NRP2: variants seen among roughly 807,000 people sequenced by gnomAD.
NRP2 encodes the protein neuropilin-2.
Under a neutral mutation model 110.4 loss-of-function variants are expected in NRP2, and 52 were observed. The ratio of observed to expected loss-of-function variants is 0.47; its 90% CI spans 0.38 to 0.59. NRP2 has a LOEUF of 0.59. Ranked by LOEUF, NRP2 falls within the 20% of genes least tolerant of loss-of-function variation. The probability of loss-of-function intolerance (pLI) is 0.00; values close to 1 mark genes in which losing one functional copy is unlikely to be tolerated. For synonymous variants in NRP2, 508 were observed against 468.9 expected (o/e 1.08, Z -1.08); for missense variants, 1,049 against 1,203.0 (o/e 0.87, Z 1.89).
At chr2:205,718,617 C>T (rs1019012066) in intron 3 of NRP2, among the ~76,000 whole-genome samples, 1 of 152,202 alleles carries the variant, frequency 6.6e-6, no homozygotes, top group Non-Finnish European at 1.5e-5. Flanking sequence ...TACCCACCTG[C>T]TGCTGGAAGA....
intron 15 of NRP2, among the ~76,000 whole-genome samples, chr2:205,780,005 T>G (rs750924744): frequency 1.3e-5 from 2 of 152,224 alleles, no homozygotes; most frequent in African/African-American, 2.4e-5. Flanking sequence ...TCCACGAAAT[T>G]TCTCTTGATG....
intron 2 of NRP2, among the ~76,000 whole-genome samples, chr2:205,702,951 A>T (rs2056592057): frequency 6.6e-6 from 1 of 152,098 alleles, no homozygotes; most frequent in South Asian, 2.1e-4. Context: ...CTCCCAGAGC[A>T]CTTGATGTTG....
intron 12 of NRP2, among the ~76,000 whole-genome samples, chr2:205,758,453 C>T (rs1180715620): frequency 6.6e-6 from 1 of 152,204 alleles, no homozygotes; most frequent in Non-Finnish European, 1.5e-5. Flanking sequence ...GTTCACATGA[C>T]ACTTAAGCAG....
chr2:205,694,171 A>C (rs956838205), intron 1 of NRP2, among the ~76,000 whole-genome samples: 6 of 152,238 alleles, frequency 3.9e-5, no homozygotes, highest in Admixed American at 2.0e-4. Flanking sequence ...CCAGCAAAAC[A>C]ACAATACTTA....
chr2:205,710,314 C>T (rs924383048), intron 2 of NRP2, among the ~76,000 whole-genome samples: 1 of 152,180 alleles, frequency 6.6e-6, no homozygotes, highest in South Asian at 2.1e-4. Context: ...CTCATGTAAC[C>T]TTGGGCAGGT....
chr2:205,720,353 A>G (rs1286129304), intron 3 of NRP2, among the ~76,000 whole-genome samples: 1 of 147,194 alleles, frequency 6.8e-6, no homozygotes, highest in Non-Finnish European at 1.5e-5. Context: ...GGAACTATGG[A>G]TACTTTCAAA....
In NRP2 at chr2:205,726,690, A is replaced by G. The variant is rs149516920; in HGVS notation, c.990+608A>G. ...ATCTTCCCGCACTGCACACTGCTCCAATTCTCATCCCCTGGGAAGAAGTAA... is the reference window on the plus strand; with the variant it reads ...ATCTTCCCGCACTGCACACTGCTCCGATTCTCATCCCCTGGGAAGAAGTAA... On this transcript the variant is annotated intron_variant, in intron 6 of 16. Coordinates refer to ENST00000357785, the MANE Select transcript of NRP2 (RefSeq NM_003872.3). Among the ~76,000 whole-genome samples the G allele has an allele frequency of 2.0e-5, 3 of 152,306 alleles. No individual in the cohort carries two copies. The East Asian group carries it at 5.8e-4, about 29-fold the overall frequency.
chr2:205,705,224 C>T (rs909639104), intron 2 of NRP2, among the ~76,000 whole-genome samples: 2 of 150,488 alleles, frequency 1.3e-5, no homozygotes, highest in Admixed American at 6.6e-5. Flanking sequence ...GTCTTTCCTT[C>T]CAGAAAAGAG....
At chr2:205,719,194 G>A (rs2056962085) in intron 3 of NRP2, among the ~76,000 whole-genome samples, 1 of 152,174 alleles carries the variant, frequency 6.6e-6, no homozygotes, top group African/African-American at 2.4e-5. Context: ...TAGAGAGGAA[G>A]AAGCGGGGGA....
rs888464586 is a variant in NRP2 at position 205,797,695 on chromosome 2, TGTGG to T, written c.*2640_*2643del. On this transcript the variant is annotated 3_prime_UTR_variant, in exon 17 of 17. Transcript: ENST00000357785. ...CCTTGGTGTGTTTGTTATCTTTATCTGTGGGTAGGCTAGCTGACCCATCTCCTTG... is the reference window on the plus strand; with the variant it reads ...CCTTGGTGTGTTTGTTATCTTTATCTGTAGGCTAGCTGACCCATCTCCTTG... 3 of 152,692 alleles carry T rather than the reference TGTGG, an allele frequency of 2.0e-5. No individual in the cohort carries two copies. Among genetic ancestry groups the T allele is most frequent in the Non-Finnish European group, 4.4e-5 (3 of 68,090 alleles). The allele number at this position is 152,692 out of a possible 1,614,324, so 9.5% of individuals were successfully genotyped here.
At chr2:205,722,205 ACACACACT>A in intron 3 of NRP2, 8 of 496,734 alleles carry the variant, frequency 1.6e-5, no homozygotes, top group East Asian at 3.9e-5. Flanking sequence ...ACACACACAC[ACACACACT>A]TCTCTGTACC....
At chr2:205,741,236 T>C (rs1461484091) in intron 8 of NRP2, among the ~76,000 whole-genome samples, 1 of 152,202 alleles carries the variant, frequency 6.6e-6, no homozygotes, top group African/African-American at 2.4e-5. Flanking sequence ...ATGATCAATG[T>C]CTGGACATAG....
At chr2:205,698,713 G>T (rs1295040439) in intron 2 of NRP2, among the ~76,000 whole-genome samples, 1 of 152,212 alleles carries the variant, frequency 6.6e-6, no homozygotes, top group Non-Finnish European at 1.5e-5. Context: ...AAAAGAATGT[G>T]CCAACAGTCA....
At position 205,697,673 on chromosome 2, in the gene NRP2, T is replaced by A; in HGVS notation, c.203T>A (p.Ile68Asn). The change falls in exon 2 of 17, where the codon ATT (isoleucine) becomes AAT (asparagine). Residue 68 changes from isoleucine (I) to asparagine (N), a missense_variant. Coordinates refer to ENST00000357785, the MANE Select transcript of NRP2 (RefSeq NM_003872.3). Reference sequence around the variant, plus strand: ...TACGCCCCCGAACCCAACCAGAAGATTGTCCTCAACTTCAACCCTCACTTT... The same window carrying A: ...TACGCCCCCGAACCCAACCAGAAGAATGTCCTCAACTTCAACCCTCACTTT... Reference protein sequence around the residue: ...IVYAPEPNQKIVLNFNPHFEI... With the variant: ...IVYAPEPNQKNVLNFNPHFEI... 6.3e-7 allele frequency: 1 copy of A among 1,598,576 alleles called. No homozygotes were observed. The highest frequency in any genetic ancestry group is 1.1e-5 in the South Asian group (1 of 90,734).
At chr2:205,767,566 T>C in intron 15 of NRP2, 1 of 305,098 alleles carries the variant, frequency 3.3e-6, no homozygotes, top group Non-Finnish European at 6.6e-6. Context: ...GATGCTTGCC[T>C]CATCCAGGTT....
At chr2:205,750,532 G>T (rs2057624865) in intron 11 of NRP2, among the ~76,000 whole-genome samples, 1 of 152,180 alleles carries the variant, frequency 6.6e-6, no homozygotes, top group African/African-American at 2.4e-5. Flanking sequence ...TATCTTCGGA[G>T]TATATCCAAG....
chr2:205,766,952 C>T (rs1160415248), intron 15 of NRP2, 149 bp downstream of exon 15: 1 of 700,794 alleles, frequency 1.4e-6, no homozygotes, highest in East Asian at 2.7e-5. Flanking sequence ...CGCTAGATGG[C>T]ACTAGCAACA....
chr2:205,705,693 T>C (rs890709359), intron 2 of NRP2, among the ~76,000 whole-genome samples: 7 of 152,078 alleles, frequency 4.6e-5, no homozygotes, highest in African/African-American at 1.7e-4. Context: ...ACTACTATTA[T>C]CCCATTTAAC....
At chr2:205,736,439 T>C (rs1373977233) in intron 7 of NRP2, among the ~76,000 whole-genome samples, 1 of 152,202 alleles carries the variant, frequency 6.6e-6, no homozygotes, top group Non-Finnish European at 1.5e-5. Flanking sequence ...GAGTATAACA[T>C]ACAAGGCAAC....
Sources: gnomAD v4.1 joint callset for allele counts (sites outside exome capture counted in the v4.1 genomes callset) on GRCh38, gnomAD v4.1.1 for gene constraint, MANE v1.5 for transcripts, NCBI Gene and HGNC (gene_info 2026-07-23, HGNC 2026-07-21) for gene names.